Variants in STAP1 observed in about 807,000 individuals in gnomAD.
The protein encoded by STAP1 is signal transducing adaptor family member 1, also known as signal-transducing adaptor protein 1.
Under a neutral mutation model 37.8 loss-of-function variants are expected in STAP1, and 30 were observed. That is an observed-to-expected ratio of 0.79 (90% CI 0.59 to 1.08). STAP1 has a LOEUF of 1.08. STAP1 is among the 50% of genes least tolerant of loss of function. STAP1 has a pLI of 0.00. For synonymous variants in STAP1, 130 were observed against 116.0 expected (o/e 1.12, Z -0.78); for missense variants, 357 against 349.4 (o/e 1.02, Z -0.17).
At chr4:67,595,657 C>T (rs1444259030) in intron 8 of STAP1, among the ~76,000 whole-genome samples, 1 of 152,212 alleles carries the variant, frequency 6.6e-6, no homozygotes, top group Non-Finnish European at 1.5e-5. Context: ...TTTTGCCACA[C>T]TTACTATTAC....
chr4:67,581,416 G>A lies in STAP1; in HGVS notation c.475G>A (p.Glu159Lys), dbSNP rs1484425700. ...TGAGACAGAGCAGAGTACGTCCGTG[G>A]AAAAAGAGAAGGAACCAACTGAAGA... ...RIETEQSTSV[E>K]KEKEPTEDYV... The change falls in exon 5 of 9, where the codon GAA becomes AAA. Residue 159 changes from glutamate to lysine, a missense_variant. Glu to Lys is a moderately conservative substitution (Grantham distance 56). Coordinates refer to ENST00000265404, the MANE Select transcript of STAP1 (RefSeq NM_012108.4). 3 of 1,613,552 alleles carry A rather than the reference G, an allele frequency of 1.9e-6. No homozygotes were observed. The South Asian group carries it at 3.3e-5, about 18-fold the overall frequency.
At chr4:67,595,434 A>C (rs1316566931) in intron 8 of STAP1, among the ~76,000 whole-genome samples, 1 of 151,062 alleles carries the variant, frequency 6.6e-6, no homozygotes, top group African/African-American at 2.4e-5. Context: ...CTGTAGTCCT[A>C]GCTACTTGGG....
intron 8 of STAP1, among the ~76,000 whole-genome samples, chr4:67,605,446 G>A (rs757060352): frequency 5.3e-5 from 8 of 150,560 alleles, no homozygotes; most frequent in Non-Finnish European, 8.8e-5. Flanking sequence ...ATTGCTATTG[G>A]TATATGACTG....
chr4:67,604,946 G>T (rs906066176), intron 8 of STAP1, among the ~76,000 whole-genome samples: 1 of 152,126 alleles, frequency 6.6e-6, no homozygotes, highest in South Asian at 2.1e-4. Context: ...AGCTGTCAAC[G>T]CCTTTGCCAT....
At chr4:67,605,479 G>A (rs566318263) in intron 8 of STAP1, among the ~76,000 whole-genome samples, 4 of 151,608 alleles carry the variant, frequency 2.6e-5, no homozygotes, top group Non-Finnish European at 5.9e-5. Flanking sequence ...TTGCTTTGTG[G>A]TCGGGAACAA....
Position 67,606,471 on chromosome 4 carries a change from A to C in STAP1, c.*114A>C. The C allele has an allele frequency of 1.2e-6, 1 of 810,248 alleles. No individual in the cohort carries two copies. The highest frequency in any genetic ancestry group is 1.9e-6 in the Non-Finnish European group (1 of 521,484). The allele number at this position is 810,248 out of a possible 1,614,324, so 50.2% of individuals were successfully genotyped here. A position where few individuals can be genotyped will look rare whatever the true frequency, so the allele number is the denominator to read the frequency against. ...CCTGATACTGATTACCAAGTCATTC[A>C]CCTGAACACCAGAATTAGAATTAAA... is the stretch of plus-strand genomic sequence containing the variant. On this transcript the variant is annotated 3_prime_UTR_variant, in exon 9 of 9. Coordinates refer to ENST00000265404, the MANE Select transcript of STAP1 (RefSeq NM_012108.4).
At chr4:67,572,831 T>C (rs1578024359) in intron 2 of STAP1, among the ~76,000 whole-genome samples, 2 of 152,284 alleles carry the variant, frequency 1.3e-5, no homozygotes, top group Non-Finnish European at 2.9e-5. Context: ...TCCGGCTTTA[T>C]AGATGAGATT....
rs1295266750 is a variant in STAP1, at chr4:67,558,798, A to G, written c.-12A>G. 1 of 1,607,996 alleles carries G rather than the reference A, an allele frequency of 6.2e-7. No homozygotes were observed. Among genetic ancestry groups the G allele is most frequent in the Admixed American group, 1.7e-5 (1 of 58,228 alleles). ...GAGACGAGAAACCAAACCACACACC[A>G]AAGAGAGGGGTATGATGGCTAAGAA... On this transcript the variant is annotated 5_prime_UTR_variant, in exon 1 of 9. Transcript: ENST00000265404.
Position 67,581,329 on chromosome 4 carries a change from C to G in STAP1, c.388C>G (p.Leu130Val). ...GCTGTCAGTTCCCCAAAACGTGTCA[C>G]TCCTACCTGGGCAAGTAATTAAACT... The part of the protein sequence containing the change: ...TELSVPQNVS[L>V]LPGQVIKLHE... Residue 130 changes from leucine to valine, a missense_variant, in exon 5 of 9, where the codon CTC becomes GTC. Physicochemically the swap from Leu to Val is conservative, Grantham distance 32. Coordinates refer to ENST00000265404, the MANE Select transcript of STAP1 (RefSeq NM_012108.4). The G allele has an allele frequency of 6.2e-7, 1 of 1,613,462 alleles. No individual in the cohort carries two copies. Among genetic ancestry groups the G allele is most frequent in the Non-Finnish European group, 8.5e-7 (1 of 1,179,762 alleles).
At chr4:67,599,079 C>T (rs996258751) in intron 8 of STAP1, among the ~76,000 whole-genome samples, 28 of 152,122 alleles carry the variant, frequency 1.8e-4, no homozygotes, top group African/African-American at 6.5e-4. Flanking sequence ...CACTTGATCA[C>T]GTTGGATAAT....
chr4:67,560,075 G>GA (rs895716257), intron 1 of STAP1, among the ~76,000 whole-genome samples: 10 of 151,490 alleles, frequency 6.6e-5, no homozygotes, highest in Non-Finnish European at 1.2e-4. Flanking sequence ...GGGAAGTTGA[G>GA]AAAAAAAAAT....
chr4:67,587,598 C>T (rs1432908065), intron 6 of STAP1, among the ~76,000 whole-genome samples: 11 of 152,094 alleles, frequency 7.2e-5, no homozygotes, highest in Admixed American at 3.9e-4. Context: ...CTTTGGAAAG[C>T]CATTAGCTAA....
At chr4:67,582,017 T>C (rs911207278) in intron 5 of STAP1, among the ~76,000 whole-genome samples, 2 of 152,154 alleles carry the variant, frequency 1.3e-5, no homozygotes, top group African/African-American at 2.4e-5. Context: ...TTCTGAGCTC[T>C]TTCCTCCTGG....
At chr4:67,590,524 T>C (rs1219448730) in intron 6 of STAP1, among the ~76,000 whole-genome samples, 1 of 152,216 alleles carries the variant, frequency 6.6e-6, no homozygotes. Context: ...TTTGATTTTA[T>C]ATACCTACAT....
intron 8 of STAP1, among the ~76,000 whole-genome samples, chr4:67,596,099 G>A (rs557077134): frequency 3.3e-5 from 5 of 152,146 alleles, no homozygotes; most frequent in South Asian, 4.2e-4. Flanking sequence ...ATCTCGAATC[G>A]TAATCCCCAA....
chr4:67,563,320 A>T (rs1578019925), intron 1 of STAP1, among the ~76,000 whole-genome samples: 2 of 152,238 alleles, frequency 1.3e-5, no homozygotes, highest in African/African-American at 4.8e-5. Flanking sequence ...GAGGTATAAC[A>T]TATAATGGAT....
chr4:67,568,114 A>G (rs926998962), intron 1 of STAP1, among the ~76,000 whole-genome samples: 1 of 152,218 alleles, frequency 6.6e-6, no homozygotes, highest in African/African-American at 2.4e-5. Context: ...CAGGGAATTA[A>G]AAGCAAAATT....
intron 6 of STAP1, among the ~76,000 whole-genome samples, chr4:67,584,876 C>T (rs72848543): frequency 0.03 from 4,619 of 152,256 alleles, 243 homozygotes; most frequent in African/African-American, 0.1. Context: ...GAACTGTTGT[C>T]ATAATCTGAC....
chr4:67,597,905 G>T (rs1266237959), intron 8 of STAP1, among the ~76,000 whole-genome samples: 1 of 152,112 alleles, frequency 6.6e-6, no homozygotes, highest in Non-Finnish European at 1.5e-5. Context: ...CTTTGCTCTT[G>T]GAGTTTTGGG....
Sources: allele counts gnomAD v4.1 joint callset (sites outside exome capture counted in the v4.1 genomes callset), GRCh38; gene constraint gnomAD v4.1.1; transcripts MANE v1.5; gene names NCBI Gene and HGNC (gene_info 2026-07-23, HGNC 2026-07-21).